Variants in VEPH1 observed in about 807,000 individuals in gnomAD.
The protein encoded by VEPH1 is ventricular zone expressed PH domain containing 1, also known as ventricular zone-expressed PH domain-containing protein homolog 1.
In VEPH1, 80 loss-of-function variants were observed where a neutral mutation model predicts 85.2. The observed-to-expected ratio is 0.94, with a 90% confidence interval of 0.78 to 1.13. The LOEUF (loss-of-function observed/expected upper bound fraction) is 1.13, where lower values mean the gene tolerates loss of function less well. Among genes scored for constraint, VEPH1 ranks in the 50% most tolerant of loss-of-function variants. The probability of loss-of-function intolerance (pLI) is 0.00; values close to 1 mark genes in which losing one functional copy is unlikely to be tolerated. For missense variants in VEPH1, 955 were observed against 980.5 expected (o/e 0.97, Z 0.35); for synonymous variants, 297 against 348.0 (o/e 0.85, Z 1.63).
intron 4 of VEPH1, chr3:157,442,438 T>G: frequency 1.2e-6 from 2 of 1,614,204 alleles, no homozygotes; most frequent in Non-Finnish European, 1.7e-6. Context: ...GTGAGACCAA[T>G]GAGGCTTGAG....
intron 11 of VEPH1, among the ~76,000 whole-genome samples, chr3:157,288,356 GT>G (rs1361168832): frequency 6.6e-6 from 1 of 152,194 alleles, no homozygotes; most frequent in Non-Finnish European, 1.5e-5. Flanking sequence ...TGTAGGCACT[GT>G]TTGCACTGCT....
chr3:157,380,436 C>A (rs926917176), intron 7 of VEPH1, among the ~76,000 whole-genome samples: 13 of 152,226 alleles, frequency 8.5e-5, no homozygotes, highest in African/African-American at 3.1e-4. Context: ...CTGCCTACCA[C>A]TTCATCAGCA....
chr3:157,347,248 T>C (rs947900883), intron 9 of VEPH1, among the ~76,000 whole-genome samples: 5 of 152,136 alleles, frequency 3.3e-5, no homozygotes, highest in Non-Finnish European at 5.9e-5. Flanking sequence ...AATGTGACTG[T>C]AAAATAAAAA....
chr3:157,344,017 G>A (rs992448145), intron 9 of VEPH1, among the ~76,000 whole-genome samples: 1 of 152,152 alleles, frequency 6.6e-6, no homozygotes, highest in African/African-American at 2.4e-5. Flanking sequence ...AGGTATTGAT[G>A]GGACGTATCT....
chr3:157,437,195 C>T, intron 4 of VEPH1: 1 of 1,253,636 alleles, frequency 8.0e-7, no homozygotes. Context: ...AAGTGAGAAG[C>T]ACTTGAAGAA....
At position 157,495,530 on chromosome 3, in the gene VEPH1, A is replaced by T. The variant is rs560989834; in HGVS notation, c.-157-24T>A. The T allele has an allele frequency of 7.1e-6, 10 of 1,402,606 alleles. No homozygotes were observed. The East Asian group carries it at 2.2e-4, about 31-fold the overall frequency. 86.9% of individuals were successfully genotyped at this position (1,402,606 alleles called of 1,614,324 possible). ...CTCTGCAAGGGAAACAAATGACACA[A>T]TGTAGCCACTGGCAGAATGGCATAA... is the stretch of plus-strand genomic sequence containing the variant. On this transcript the variant is annotated intron_variant, in intron 1 of 13. Coordinates refer to ENST00000362010, the MANE Select transcript of VEPH1 (RefSeq NM_001167912.2).
At chr3:157,415,391 A>C (rs1731833966) in intron 5 of VEPH1, 1 of 152,184 alleles carries the variant, frequency 6.6e-6, no homozygotes, top group Non-Finnish European at 1.5e-5. Flanking sequence ...AATCCCATAC[A>C]GGGAAAATGT....
At chr3:157,330,069 C>G (rs1722337173) in intron 9 of VEPH1, among the ~76,000 whole-genome samples, 1 of 152,176 alleles carries the variant, frequency 6.6e-6, no homozygotes, top group African/African-American at 2.4e-5. Flanking sequence ...TTTTAATAGA[C>G]AGGATTGCAA....
intron 9 of VEPH1, among the ~76,000 whole-genome samples, chr3:157,349,502 T>C (rs946528279): frequency 3.3e-5 from 5 of 152,124 alleles, no homozygotes; most frequent in Admixed American, 3.3e-4. Context: ...TCCCCAATCT[T>C]ATTCAACCTA....
chr3:157,310,406 C>T (rs1216489881), intron 11 of VEPH1, among the ~76,000 whole-genome samples: 1 of 152,046 alleles, frequency 6.6e-6, no homozygotes, highest in Non-Finnish European at 1.5e-5. Flanking sequence ...GAGGTAGGTA[C>T]TAATATTATC....
chr3:157,422,125 T>C (rs1402561601), intron 5 of VEPH1, among the ~76,000 whole-genome samples: 1 of 152,216 alleles, frequency 6.6e-6, no homozygotes, highest in Non-Finnish European at 1.5e-5. Context: ...TTGGTTGGAA[T>C]TAGACTGGGT....
chr3:157,282,220 G>T (rs985394768), intron 12 of VEPH1, among the ~76,000 whole-genome samples: 3 of 151,872 alleles, frequency 2.0e-5, no homozygotes, highest in African/African-American at 4.8e-5. Flanking sequence ...TAGAGACAGG[G>T]TCTATGCTAT....
chr3:157,361,892 C>T (rs948460767), intron 9 of VEPH1, among the ~76,000 whole-genome samples: 1 of 152,068 alleles, frequency 6.6e-6, no homozygotes, highest in Non-Finnish European at 1.5e-5. Context: ...GTATGATGAA[C>T]AAAATATCAA....
At chr3:157,380,894 G>A (rs1053965658) in intron 7 of VEPH1, among the ~76,000 whole-genome samples, 25 of 152,088 alleles carry the variant, frequency 1.6e-4, no homozygotes, top group African/African-American at 5.6e-4. Context: ...GTAAATAAAC[G>A]GGTGCTATAA....
chr3:157,384,482 G>A (rs1048799387), intron 6 of VEPH1, among the ~76,000 whole-genome samples: 3 of 152,164 alleles, frequency 2.0e-5, no homozygotes, highest in Non-Finnish European at 4.4e-5. Flanking sequence ...TATGCAATAA[G>A]TGTCCCCATG....
chr3:157,321,578 ATT>A (rs1329418049), intron 9 of VEPH1, among the ~76,000 whole-genome samples: 1 of 152,230 alleles, frequency 6.6e-6, no homozygotes, highest in Non-Finnish European at 1.5e-5. Context: ...GCCAGAGCCT[ATT>A]CTCTTTCTAG....
At chr3:157,308,212 C>A (rs1056287069) in intron 11 of VEPH1, among the ~76,000 whole-genome samples, 2 of 151,746 alleles carry the variant, frequency 1.3e-5, no homozygotes, top group Non-Finnish European at 1.5e-5. Context: ...TTATACTTAA[C>A]TGCTTTTGTC....
intron 11 of VEPH1, among the ~76,000 whole-genome samples, chr3:157,299,294 C>T (rs115706387): frequency 1.9e-3 from 289 of 152,004 alleles, no homozygotes; most frequent in African/African-American, 6.7e-3. Context: ...CGCAGTGGCT[C>T]GCACATACAA....
Position 157,363,678 on chromosome 3 carries a change from G to A in VEPH1, c.1421C>T (p.Pro474Leu). ...DGEDENRGDIPASISLSEIDP... is the reference protein window; with the variant it reads ...DGEDENRGDILASISLSEIDP... ...TATTTCTGAAAGAGAGATGCTGGCT[G>A]GTATGTCTCCCCTGTTTTCATCTTC... is the stretch of plus-strand genomic sequence containing the variant. Residue 474 changes from proline to leucine, a missense_variant, in exon 9 of 14, where the codon CCA becomes CTA. By Grantham distance (98) the Pro-to-Leu change is moderately conservative (BLOSUM62 -3). Coordinates refer to ENST00000362010, the MANE Select transcript of VEPH1 (RefSeq NM_001167912.2). The A allele has an allele frequency of 6.2e-7, 1 of 1,614,032 alleles. No individual in the cohort carries two copies. Among genetic ancestry groups the A allele is most frequent in the Middle Eastern group, 1.7e-4 (1 of 6,060 alleles).
Sources: gnomAD v4.1 joint callset for allele counts (sites outside exome capture counted in the v4.1 genomes callset) on GRCh38, gnomAD v4.1.1 for gene constraint, MANE v1.5 for transcripts, NCBI Gene and HGNC (gene_info 2026-07-23, HGNC 2026-07-21) for gene names.